The following AHNAK variants were observed in gnomAD, a reference collection of about 807,000 sequenced individuals.
AHNAK encodes the protein AHNAK nucleoprotein, also known as neuroblast differentiation-associated protein AHNAK.
AHNAK carries 23 observed loss-of-function variants against 37.8 expected under a neutral mutation model. The observed-to-expected ratio is 0.61, with a 90% CI of 0.44 to 0.86. AHNAK has a LOEUF of 0.86. AHNAK is among the 40% of genes least tolerant of loss of function. The probability of loss-of-function intolerance (pLI) is 0.00; values close to 1 mark genes in which losing one functional copy is unlikely to be tolerated. For synonymous variants in AHNAK, 2,481 were observed against 2,636.3 expected, an observed-to-expected ratio of 0.94 and a Z score of 1.80; for missense variants, 7,411 against 7,319.4, an observed-to-expected ratio of 1.01 and a Z score of -0.46.
rs750251436 is a variant in AHNAK at position 62,521,405 on chromosome 11, C to T, written c.13012G>A (p.Val4338Ile). ...TCAATGTCAGCCTTAGGAAGGGTAA[C>T]ATCCACATCTGGGCCCTCTCCTTTG... Reference protein sequence around the residue: ...GFKGEGPDVDVTLPKADIEIS... With the variant: ...GFKGEGPDVDITLPKADIEIS... The change falls in exon 5 of 5, where the codon GTT (valine) becomes ATT (isoleucine). Residue 4338 changes from valine (V) to isoleucine (I), a missense_variant. Physicochemically the swap from Val to Ile is conservative, Grantham distance 29. Transcript: ENST00000378024. 1 of 1,613,940 alleles carries T rather than the reference C, an allele frequency of 6.2e-7. No homozygotes were observed. The highest frequency in any genetic ancestry group is 1.3e-5 in the African/African-American group (1 of 74,854).
Position 62,532,033 on chromosome 11 carries a change from T to C in AHNAK, c.2384A>G (p.Glu795Gly). Residue 795 changes from glutamate (E) to glycine (G), a missense_variant, in exon 5 of 5, where the codon GAG becomes GGG. Glu to Gly is a moderately conservative substitution (Grantham distance 98). Coordinates refer to ENST00000378024, the MANE Select transcript of AHNAK (RefSeq NM_001620.3). ...IDVTAPDVSIEEPEGKLKGPK... is the reference protein window; with the variant it reads ...IDVTAPDVSIGEPEGKLKGPK... ...CCCTTTCAATTTCCCTTCTGGTTCC[T>C]CAATGCTCACATCAGGAGCAGTAAC... 1 of 1,613,436 alleles carries C rather than the reference T, an allele frequency of 6.2e-7. No homozygotes were observed. The highest frequency in any genetic ancestry group is 8.5e-7 in the Non-Finnish European group (1 of 1,179,900).
downstream of AHNAK, among the ~76,000 whole-genome samples, chr11:62,515,101 C>A (rs1022898868): frequency 6.6e-6 from 1 of 152,166 alleles, no homozygotes; most frequent in Non-Finnish European, 1.5e-5. Context: ...TAGAACCACT[C>A]CTCCCCCACC....
chr11:62,466,996 T>C (rs1565203929), intron 5 of AHNAK, among the ~76,000 whole-genome samples: 2 of 152,230 alleles, frequency 1.3e-5, no homozygotes, highest in African/African-American at 4.8e-5. Context: ...TACTTGGTTA[T>C]GCAAAGCCTA....
chr11:62,535,067 G>A lies in AHNAK; in HGVS notation c.278C>T (p.Ser93Phe), dbSNP rs773827735. The change falls in exon 4 of 5, where the codon TCT becomes TTT. Residue 93 changes from serine (S) to phenylalanine (F), a missense_variant. Physicochemically the swap from Ser to Phe is radical, Grantham distance 155 (BLOSUM62 -2). Coordinates refer to ENST00000378024, the MANE Select transcript of AHNAK (RefSeq NM_001620.3). ...GLKLHRKGDRSPEPGQTWTRE... is the reference protein window; with the variant it reads ...GLKLHRKGDRFPEPGQTWTRE... ...GGTCCAGGTCTGGCCAGGCTCGGGAGAGCGGTCCCCCTTGCGGTGCAGCTT... is the reference window on the plus strand; with the variant it reads ...GGTCCAGGTCTGGCCAGGCTCGGGAAAGCGGTCCCCCTTGCGGTGCAGCTT... 3.0e-5 allele frequency: 49 copies of A among 1,613,870 alleles called. No homozygotes were observed. The highest frequency in any genetic ancestry group is 4.4e-5 in the South Asian group (4 of 91,074).
At position 62,525,821 on chromosome 11, in the gene AHNAK, C is replaced by T. The variant is rs1274495087; in HGVS notation, c.8596G>A (p.Gly2866Ser). 1.2e-6 allele frequency: 2 copies of T among 1,613,872 alleles called. No individual in the cohort carries two copies. The highest frequency in any genetic ancestry group is 1.7e-6 in the Non-Finnish European group (2 of 1,180,016). ...GGGCCTTTGAGGTCAACTTCAGGAC[C>T]TTTCAGATCTCCCTCTACCTTAGGG... ...TGPKVEGDLKGPEVDLKGPKV... is the reference protein window; with the variant it reads ...TGPKVEGDLKSPEVDLKGPKV... The change falls in exon 5 of 5, where the codon GGT (glycine) becomes AGT (serine). Residue 2866 changes from glycine (G) to serine (S), a missense_variant. Coordinates refer to ENST00000378024, the MANE Select transcript of AHNAK (RefSeq NM_001620.3).
chr11:62,529,845 T>G lies in AHNAK; in HGVS notation c.4572A>C (p.Lys1524Asn). ...KMPKFSMPGF[K>N]GEGPEVDMNL... is the part of the protein sequence containing the mutation. ...TCATATCCACCTCTGGGCCCTCTCC[T>G]TTAAAGCCAGGCATGCTGAACTTGG... is the stretch of plus-strand genomic sequence containing the variant. The change falls in exon 5 of 5, where the codon AAA (lysine) becomes AAC (asparagine). Residue 1524 changes from lysine (K) to asparagine (N), a missense_variant. Coordinates refer to ENST00000378024, the MANE Select transcript of AHNAK (RefSeq NM_001620.3). 1.2e-6 allele frequency: 2 copies of G among 1,614,080 alleles called. No individual in the cohort carries two copies. The highest frequency in any genetic ancestry group is 1.7e-6 in the Non-Finnish European group (2 of 1,180,010).
chr11:62,492,197 G>A (rs1939515689), intron 4 of AHNAK, among the ~76,000 whole-genome samples: 2 of 152,172 alleles, frequency 1.3e-5, no homozygotes. Flanking sequence ...TGAACACTGA[G>A]GAACAATGTG....
Position 62,521,822 on chromosome 11 carries a change from G to C in AHNAK, c.12595C>G (p.Pro4199Ala). The change falls in exon 5 of 5, where the codon CCT becomes GCT. Residue 4199 changes from proline (P) to alanine (A), a missense_variant. Physicochemically the swap from Pro to Ala is conservative, Grantham distance 27. Coordinates refer to ENST00000378024, the MANE Select transcript of AHNAK (RefSeq NM_001620.3). The stretch of plus-strand genomic sequence containing the variant: ...TCTGGGCCCTCTCCTTTGAAGCCAG[G>C]CATGCTGAACTTGGGCATTTTCACT... ...PKVKMPKFSM[P>A]GFKGEGPDVD... 6.2e-7 allele frequency: 1 copy of C among 1,613,398 alleles called. No homozygotes were observed. Among genetic ancestry groups the C allele is most frequent in the Non-Finnish European group, 8.5e-7 (1 of 1,179,880 alleles).
Position 62,519,457 on chromosome 11 carries a change from G to A in AHNAK, c.14960C>T (p.Pro4987Leu), listed in dbSNP as rs1287319440. 14 of 1,612,110 alleles carry A rather than the reference G, an allele frequency of 8.7e-6. No individual in the cohort carries two copies. The highest frequency in any genetic ancestry group is 1.2e-5 in the Non-Finnish European group (14 of 1,179,496). Residue 4987 changes from proline to leucine, a missense_variant, in exon 5 of 5, where the codon CCC (proline) becomes CTC (leucine). Coordinates refer to ENST00000378024, the MANE Select transcript of AHNAK (RefSeq NM_001620.3). ...TGAAGGTGACTTGATGTCAGCTTTG[G>A]GGCTTTTTGCCCCAAATCCAAACTT... ...KPKFGFGAKS[P>L]KADIKSPSLD... is the part of the protein sequence containing the mutation.
intron 4 of AHNAK, among the ~76,000 whole-genome samples, chr11:62,494,065 A>G (rs945516663): frequency 6.6e-6 from 1 of 152,106 alleles, no homozygotes; most frequent in Non-Finnish European, 1.5e-5. Flanking sequence ...TAAATGAATG[A>G]ATGGTGTAAG....
intron 5 of AHNAK, among the ~76,000 whole-genome samples, chr11:62,436,931 T>C (rs1938184392): frequency 8.9e-6 from 1 of 112,626 alleles, no homozygotes; most frequent in Non-Finnish European, 1.8e-5. Context: ...TGAGCAAGAC[T>C]CTGTCTCAAA....
chr11:62,488,752 T>A lies in AHNAK; in HGVS notation c.442+2980A>T, dbSNP rs1379432391. Among the ~76,000 whole-genome samples the A allele has an allele frequency of 2.0e-5, 3 of 151,786 alleles. No homozygotes were observed. In the East Asian group the frequency reaches 5.8e-4, roughly 29 times the overall value. ...TATTCCATGCAGACTGTGCTGTAGA[T>A]CCTCCTGGGCCCTACTGAGTGTGAA... is the stretch of plus-strand genomic sequence containing the variant. On this transcript the variant is annotated intron_variant, in intron 5 of 5. Coordinates refer to the AHNAK transcript ENST00000257247.
At chr11:62,474,596 C>G (rs4454725) in intron 5 of AHNAK, among the ~76,000 whole-genome samples, 3 of 152,154 alleles carry the variant, frequency 2.0e-5, no homozygotes, top group African/African-American at 4.8e-5. Context: ...TGCCAAAACT[C>G]TGCAGCCTCA....
In AHNAK at chr11:62,473,388, TAAAAAAAAAAAA is replaced by T. The variant is rs34585695; in HGVS notation, c.442+18332_442+18343del. ...TTGGGCAAAAGGTCGAGACTCCATC[TAAAAAAAAAAAA>T]AAAAAAAAAAAAAGGCTGGGTGCGG... On this transcript the variant is annotated intron_variant, in intron 5 of 5. Transcript: ENST00000257247. Among the ~76,000 whole-genome samples the T allele has an allele frequency of 3.8e-4, 12 of 31,816 alleles. 1 individual carries two copies. The highest frequency in any genetic ancestry group is 1.3e-3 in the Admixed American group (2 of 1,568). The allele number at this position is 31,816 out of a possible 152,430, so 20.9% of individuals were successfully genotyped here. A position where few individuals can be genotyped will look rare whatever the true frequency, so the allele number is the denominator to read the frequency against.
chr11:62,496,700 C>T (rs1436781601), intron 4 of AHNAK, among the ~76,000 whole-genome samples: 1 of 151,982 alleles, frequency 6.6e-6, no homozygotes, highest in Non-Finnish European at 1.5e-5. Context: ...TAGGCTGAGG[C>T]AGGAGAATTG....
intron 5 of AHNAK, among the ~76,000 whole-genome samples, chr11:62,450,268 C>T (rs905359504): frequency 2.6e-5 from 4 of 152,012 alleles, no homozygotes; most frequent in Admixed American, 2.6e-4. Flanking sequence ...AGCAATTCTC[C>T]TGCCTCAGCC....
Position 62,533,047 on chromosome 11 carries a change from G to A in AHNAK, c.1370C>T (p.Thr457Ile), listed in dbSNP as rs1430402386. ...GACCCCAGGAACAGTCACTTCACCT[G>A]TAGGCAGTGTCACATCAATCCCAGT... Reference protein sequence around the residue: ...EETGIDVTLPTGEVTVPGVSG... With the variant: ...EETGIDVTLPIGEVTVPGVSG... Residue 457 changes from threonine (T) to isoleucine (I), a missense_variant, in exon 5 of 5, where the codon ACA (threonine) becomes ATA (isoleucine). Transcript: ENST00000378024. 2.5e-6 allele frequency: 4 copies of A among 1,612,292 alleles called. No individual in the cohort carries two copies. Among genetic ancestry groups the A allele is most frequent in the Admixed American group, 1.7e-5 (1 of 59,540 alleles).
At position 62,525,130 on chromosome 11, in the gene AHNAK, A is replaced by G. The variant is rs762070188; in HGVS notation, c.9287T>C (p.Ile3096Thr). 4 of 1,613,874 alleles carry G rather than the reference A, an allele frequency of 2.5e-6. No homozygotes were observed. The highest frequency in any genetic ancestry group is 3.3e-5 in the Admixed American group (2 of 59,976). Residue 3096 changes from isoleucine (I) to threonine (T), a missense_variant, in exon 5 of 5, where the codon ATT (isoleucine) becomes ACT (threonine). Coordinates refer to ENST00000378024, the MANE Select transcript of AHNAK (RefSeq NM_001620.3). The part of the protein sequence containing the change: ...IKAPKISMPD[I>T]DLNLKGPKVK... The stretch of plus-strand genomic sequence containing the variant: ...TTTGGGACCTTTCAGGTTAAGATCA[A>G]TGTCAGGCATGGAGATCTTGGGGGC...
rs1367331822 is a variant in AHNAK, at chr11:62,519,150, G to A, written c.15267C>T (p.Tyr5089=). ...TAATGTCAAACTCTACATCTGGGAA[G>A]TACATTTTTCCAAACATCGTTTTCT... is the stretch of plus-strand genomic sequence containing the variant. ...KTKKTMFGKM[Y]FPDVEFDIKS... Residue 5089 remains tyrosine (Y), a synonymous_variant, in exon 5 of 5, where the codon TAC becomes TAT. Transcript: ENST00000378024. 1 of 1,613,748 alleles carries A rather than the reference G, an allele frequency of 6.2e-7. No homozygotes were observed. Among genetic ancestry groups the A allele is most frequent in the Non-Finnish European group, 8.5e-7 (1 of 1,179,958 alleles).
Sources: gnomAD v4.1 joint callset for allele counts (sites outside exome capture counted in the v4.1 genomes callset) on GRCh38, gnomAD v4.1.1 for gene constraint, MANE v1.5 for transcripts, NCBI Gene and HGNC (gene_info 2026-07-23, HGNC 2026-07-21) for gene names.